The following NRG3 variants were observed in gnomAD, a reference collection of about 807,000 sequenced individuals.
The protein encoded by NRG3 is neuregulin 3.
In NRG3, 31 loss-of-function variants were observed where a neutral mutation model predicts 66.9. The ratio of observed to expected loss-of-function variants is 0.46; its 90% confidence interval spans 0.35 to 0.63. NRG3 has a LOEUF of 0.63. Ranked by LOEUF, NRG3 falls within the 20% of genes least tolerant of loss-of-function variation. The pLI, the probability that NRG3 is intolerant of heterozygous loss-of-function variation, is 0.00. For synonymous variants in NRG3, 393 were observed against 359.4 expected (o/e 1.09, Z -1.06); for missense variants, 910 against 878.9 (o/e 1.04, Z -0.45).
intron 8 of NRG3, among the ~76,000 whole-genome samples, chr10:82,980,657 A>T (rs1400515459): frequency 6.6e-6 from 1 of 152,232 alleles, no homozygotes; most frequent in Admixed American, 6.5e-5. Flanking sequence ...TTTCTTAAGG[A>T]AAACTGGAAG....
At chr10:81,893,313 T>C (rs552026823) in intron 1 of NRG3, among the ~76,000 whole-genome samples, 2 of 152,310 alleles carry the variant, frequency 1.3e-5, no homozygotes, top group East Asian at 3.9e-4. Context: ...ACCCTATATT[T>C]AATGGTTCTG....
chr10:82,065,092 T>A (rs2064376198), intron 1 of NRG3, among the ~76,000 whole-genome samples: 1 of 152,192 alleles, frequency 6.6e-6, no homozygotes, highest in African/African-American at 2.4e-5. Flanking sequence ...TCATTCCAAC[T>A]TTTCTTCTAA....
In NRG3 at chr10:81,963,691, G is replaced by A. The variant is rs150498707; in HGVS notation, c.823+87528G>A. On this transcript the variant is annotated intron_variant, in intron 1 of 8. Coordinates refer to ENST00000372141, the MANE Select transcript of NRG3 (RefSeq NM_001010848.4). The stretch of plus-strand genomic sequence containing the variant: ...GACTGTTTTACACGACGGGACACAC[G>A]TCCACTTTCATGATGCAGTGCTAAG... Among the ~76,000 whole-genome samples, 14 of 152,266 alleles carry A rather than the reference G, an allele frequency of 9.2e-5. No individual in the cohort carries two copies. The East Asian group carries it at 2.7e-3, about 30-fold the overall frequency.
chr10:82,971,605 T>A (rs888699228), intron 6 of NRG3, among the ~76,000 whole-genome samples: 4 of 151,982 alleles, frequency 2.6e-5, no homozygotes, highest in African/African-American at 9.7e-5. Flanking sequence ...CCCAGCTAAT[T>A]TTTGTACTTT....
At chr10:82,161,298 A>T (rs1037007337) in intron 1 of NRG3, among the ~76,000 whole-genome samples, 1 of 152,070 alleles carries the variant, frequency 6.6e-6, no homozygotes, top group Non-Finnish European at 1.5e-5. Context: ...AGGTTGGTTA[A>T]TGGTCTGCTA....
intron 1 of NRG3, among the ~76,000 whole-genome samples, chr10:81,953,975 A>G (rs960235184): frequency 6.6e-6 from 1 of 152,192 alleles, no homozygotes; most frequent in Non-Finnish European, 1.5e-5. Flanking sequence ...GGTAGTGATT[A>G]TTGTTCATTT....
chr10:82,191,654 ACT>A (rs2074149590), intron 1 of NRG3, among the ~76,000 whole-genome samples: 1 of 152,276 alleles, frequency 6.6e-6, no homozygotes, highest in Admixed American at 6.5e-5. Context: ...TACAAAGGTA[ACT>A]CTACAAGAGG....
chr10:81,968,426 G>A (rs1185698638), intron 1 of NRG3, among the ~76,000 whole-genome samples: 1 of 152,178 alleles, frequency 6.6e-6, no homozygotes, highest in Non-Finnish European at 1.5e-5. Flanking sequence ...TACTTGCCAC[G>A]CAAGTTGAAG....
chr10:82,211,166 G>A (rs973799037), intron 1 of NRG3, among the ~76,000 whole-genome samples: 5 of 152,032 alleles, frequency 3.3e-5, no homozygotes, highest in African/African-American at 1.2e-4. Context: ...GCAACCTTAG[G>A]CATCTTTTCA....
intron 3 of NRG3, among the ~76,000 whole-genome samples, chr10:82,858,332 T>C (rs1187702231): frequency 6.6e-6 from 1 of 152,168 alleles, no homozygotes; most frequent in Non-Finnish European, 1.5e-5. Flanking sequence ...TACTCCAGTC[T>C]TTCTTAGCTT....
chr10:82,263,985 T>G (rs997954159), intron 1 of NRG3, among the ~76,000 whole-genome samples: 1 of 152,160 alleles, frequency 6.6e-6, no homozygotes, highest in African/African-American at 2.4e-5. Flanking sequence ...TGTTTATTTT[T>G]TTGTTGTTGT....
At chr10:82,363,320 T>C (rs1352135111) in intron 2 of NRG3, among the ~76,000 whole-genome samples, 2 of 152,242 alleles carry the variant, frequency 1.3e-5, no homozygotes, top group Non-Finnish European at 2.9e-5. Flanking sequence ...AAGTGACTAC[T>C]ATACCCAGTT....
intron 2 of NRG3, among the ~76,000 whole-genome samples, chr10:82,727,096 G>A (rs1388081039): frequency 6.6e-6 from 1 of 152,158 alleles, no homozygotes; most frequent in Non-Finnish European, 1.5e-5. Context: ...GCTGTTAAAG[G>A]CATTCAGTTT....
chr10:82,367,814 C>T (rs2084639646), intron 2 of NRG3, among the ~76,000 whole-genome samples: 1 of 151,986 alleles, frequency 6.6e-6, no homozygotes, highest in South Asian at 2.1e-4. Context: ...GCCAACGTGG[C>T]AAAACCCAGT....
chr10:81,939,016 C>A (rs1292282408), intron 1 of NRG3, among the ~76,000 whole-genome samples: 1 of 151,868 alleles, frequency 6.6e-6, no homozygotes, highest in Non-Finnish European at 1.5e-5. Flanking sequence ...TTGAGGTGAC[C>A]ATGAGATTCA....
chr10:82,709,444 C>T (rs186961699), intron 2 of NRG3, among the ~76,000 whole-genome samples: 116 of 151,870 alleles, frequency 7.6e-4, no homozygotes, highest in Middle Eastern at 3.4e-3. Flanking sequence ...TGCTGTGGCG[C>T]GATCTTGGCT....
chr10:82,167,853 T>C (rs561849126), intron 1 of NRG3, among the ~76,000 whole-genome samples: 16 of 152,230 alleles, frequency 1.1e-4, no homozygotes, highest in Middle Eastern at 3.4e-3. Context: ...TTCACACTTG[T>C]TTTCTTTTAT....
At chr10:81,994,302 T>G (rs1429106631) in intron 1 of NRG3, among the ~76,000 whole-genome samples, 1 of 152,164 alleles carries the variant, frequency 6.6e-6, no homozygotes, top group East Asian at 1.9e-4. Context: ...CTATTTCTGT[T>G]GATAATAATG....
At chr10:82,738,241 G>GT (rs5786569) in intron 2 of NRG3, among the ~76,000 whole-genome samples, 90,310 of 151,990 alleles carry the variant, frequency 0.59, 27,201 homozygotes, top group East Asian at 0.65. Context: ...AGACCAGTGT[G>GT]TTGCATAAAG....
Sources: allele counts gnomAD v4.1 joint callset (sites outside exome capture counted in the v4.1 genomes callset), GRCh38; gene constraint gnomAD v4.1.1; transcripts MANE v1.5; gene names NCBI Gene and HGNC (gene_info 2026-07-23, HGNC 2026-07-21).